The following WDFY3 variants were observed in gnomAD, a reference collection of about 807,000 sequenced individuals.
The protein encoded by WDFY3 is WD repeat and FYVE domain containing 3, also known as WD repeat and FYVE domain-containing protein 3.
In WDFY3, 66 loss-of-function variants were observed where a neutral mutation model predicts 409.6. The observed-to-expected ratio is 0.16, with a 90% CI of 0.13 to 0.20. The LOEUF (loss-of-function observed/expected upper bound fraction) is 0.20. WDFY3 is among the 10% of genes least tolerant of loss of function. The pLI, the probability that WDFY3 is intolerant of heterozygous loss-of-function variation, is 1.00. For synonymous variants in WDFY3, 1,521 were observed against 1,537.1 expected (o/e 0.99, Z 0.25); for missense variants, 3,031 against 4,298.1 (o/e 0.71, Z 8.24).
At chr4:84,828,735 G>A (rs1235633478) in intron 9 of WDFY3, among the ~76,000 whole-genome samples, 1 of 152,094 alleles carries the variant, frequency 6.6e-6, no homozygotes. Flanking sequence ...TGTCTCTATG[G>A]AAAATGTTTA....
At chr4:84,785,713 T>G (rs1025755210) in intron 24 of WDFY3, among the ~76,000 whole-genome samples, 1 of 152,212 alleles carries the variant, frequency 6.6e-6, no homozygotes, top group Non-Finnish European at 1.5e-5. Context: ...TTTCATTAGT[T>G]TTCTAAAGTT....
chr4:84,723,625 GA>G (rs112782779), intron 46 of WDFY3, among the ~76,000 whole-genome samples: 2,090 of 151,830 alleles, frequency 0.014, 53 homozygotes, highest in African/African-American at 0.047. Flanking sequence ...TATAAAGTGA[GA>G]AAAAAAATCT....
chr4:84,760,195 A>G (rs1287825188), intron 32 of WDFY3, among the ~76,000 whole-genome samples: 2 of 152,088 alleles, frequency 1.3e-5, no homozygotes, highest in South Asian at 2.1e-4. Flanking sequence ...GTGCTGCTGG[A>G]TTCGGTTTGC....
At chr4:84,821,761 T>C (rs943498390) in intron 10 of WDFY3, among the ~76,000 whole-genome samples, 3 of 152,260 alleles carry the variant, frequency 2.0e-5, no homozygotes, top group African/African-American at 7.2e-5. Context: ...TGCATTATTA[T>C]GAATATTTCA....
intron 61 of WDFY3, among the ~76,000 whole-genome samples, chr4:84,689,313 C>T (rs1728858087): frequency 6.6e-6 from 1 of 152,160 alleles, no homozygotes. Flanking sequence ...AAATTTTGGT[C>T]ATATAGACAT....
intron 28 of WDFY3, 38 bp from the exon 29 acceptor site, chr4:84,775,019 C>T: frequency 1.2e-6 from 2 of 1,613,424 alleles, no homozygotes; most frequent in South Asian, 1.1e-5. Context: ...TGTACTATCA[C>T]CTTTTCTATA....
chr4:84,724,482 C>T lies in WDFY3; in HGVS notation c.7385G>A (p.Gly2462Asp). The T allele has an allele frequency of 6.2e-7, 1 of 1,614,072 alleles. No homozygotes were observed. Among genetic ancestry groups the T allele is most frequent in the Non-Finnish European group, 8.5e-7 (1 of 1,179,970 alleles). The change falls in exon 46 of 68, where the codon GGT (glycine) becomes GAT (aspartate). Residue 2462 changes from glycine to aspartate, a missense_variant. By Grantham distance (94) the Gly-to-Asp change is moderately conservative (BLOSUM62 -1). Transcript: ENST00000295888. ...CTCTGGTTCTTGCTGAGCAGCTTCACCTTCTGAACTCTCCACAATGGCGTC... is the reference window on the plus strand; with the variant it reads ...CTCTGGTTCTTGCTGAGCAGCTTCATCTTCTGAACTCTCCACAATGGCGTC... ...VQDAIVESSE[G>D]EAAQQEPEHG...
chr4:84,819,483 T>C (rs1560840085), intron 12 of WDFY3, among the ~76,000 whole-genome samples: 1 of 152,104 alleles, frequency 6.6e-6, no homozygotes, highest in African/African-American at 2.4e-5. Context: ...ACTGAACTTA[T>C]TACCTGAGAG....
intron 17 of WDFY3, among the ~76,000 whole-genome samples, chr4:84,799,229 TCA>T (rs1264181296): frequency 6.6e-6 from 1 of 152,022 alleles, no homozygotes; most frequent in Non-Finnish European, 1.5e-5. Context: ...TGATCATAGC[TCA>T]CTGCAATCTC....
At chr4:84,742,714 C>G (rs1322690660) in intron 37 of WDFY3, among the ~76,000 whole-genome samples, 1 of 152,182 alleles carries the variant, frequency 6.6e-6, no homozygotes, top group African/African-American at 2.4e-5. Context: ...CAGGGTTGCA[C>G]AGTCCTTCCG....
chr4:84,817,696 T>A, intron 12 of WDFY3, 111 bp from the exon 13 acceptor site: 1 of 994,628 alleles, frequency 1.0e-6, no homozygotes, highest in Non-Finnish European at 1.5e-6. Context: ...CATAATAATG[T>A]AAATAAAACC....
rs1301798436 is a variant in WDFY3, at chr4:84,789,661, ACACACACACC to A, written c.3669+55_3669+64del. ...CACACACACACACACACACACACAC[ACACACACACC>A]CCCCAAACTACTACCTTATAAAACA... On this transcript the variant is annotated intron_variant, in intron 22 of 67. Transcript: ENST00000295888. The A allele has an allele frequency of 1.3e-4, 198 of 1,518,740 alleles. 2 individuals are homozygous for A. The highest frequency in any genetic ancestry group is 5.7e-4 in the African/African-American group (41 of 71,962). The allele number at this position is 1,518,740 out of a possible 1,614,324, so 94.1% of individuals were successfully genotyped here. A position where few individuals can be genotyped will look rare whatever the true frequency, so the allele number is the denominator to read the frequency against.
At chr4:84,962,990 T>C (rs975034827) in intron 1 of WDFY3, among the ~76,000 whole-genome samples, 16 of 152,034 alleles carry the variant, frequency 1.1e-4, no homozygotes, top group African/African-American at 3.6e-4. Flanking sequence ...TATTTCTTAA[T>C]CATTTCATGG....
intron 2 of WDFY3, among the ~76,000 whole-genome samples, chr4:84,912,947 T>C (rs1767991106): frequency 6.6e-6 from 1 of 152,168 alleles, no homozygotes; most frequent in South Asian, 2.1e-4. Context: ...TGCCAGTATT[T>C]TGGTTGTACC....
chr4:84,909,001 T>C (rs1767409606), intron 2 of WDFY3, among the ~76,000 whole-genome samples: 1 of 151,786 alleles, frequency 6.6e-6, no homozygotes, highest in Admixed American at 6.6e-5. Flanking sequence ...AACTAAATAC[T>C]AGGAGTCTAT....
intron 2 of WDFY3, among the ~76,000 whole-genome samples, chr4:84,904,433 G>T (rs186575642): frequency 3.3e-5 from 5 of 152,128 alleles, no homozygotes; most frequent in Admixed American, 2.6e-4. Flanking sequence ...AAATTCAAAG[G>T]TCACACAGCT....
intron 1 of WDFY3, among the ~76,000 whole-genome samples, chr4:84,942,269 TG>T (rs1579224234): frequency 6.6e-6 from 1 of 152,038 alleles, no homozygotes; most frequent in East Asian, 1.9e-4. Flanking sequence ...AGCCAAAAAC[TG>T]GGAGAAAGTA....
rs189116210 is a variant in WDFY3 at position 84,750,688 on chromosome 4, T to C, written c.5973+795A>G. 7.9e-5 allele frequency among the ~76,000 whole-genome samples: 12 copies of C among 152,360 alleles called. No individual in the cohort carries two copies. In the East Asian group the frequency reaches 1.9e-3, roughly 24 times the overall value. On this transcript the variant is annotated intron_variant, in intron 36 of 67. Coordinates refer to ENST00000295888, the MANE Select transcript of WDFY3 (RefSeq NM_014991.6). Reference sequence around the variant, plus strand: ...TGTATTAAATTTTCTCTCTGTGATATCTTCAGACTTTTCTAGGTAAACATT... The same window carrying C: ...TGTATTAAATTTTCTCTCTGTGATACCTTCAGACTTTTCTAGGTAAACATT...
chr4:84,796,528 C>G lies in WDFY3; in HGVS notation c.3160G>C (p.Gly1054Arg). The change falls in exon 19 of 68, where the codon GGG becomes CGG. Residue 1054 changes from glycine to arginine, a missense_variant. Coordinates refer to ENST00000295888, the MANE Select transcript of WDFY3 (RefSeq NM_014991.6). ...TCCTTGCAAATTTCTTACCCAAACC[C>G]TTCAAGTGATGTGTCAAATTCAACA... ...AFVEFDTSLE[G>R]FGCLFLPSLA... The G allele has an allele frequency of 1.3e-6, 2 of 1,585,866 alleles. No homozygotes were observed. The highest frequency in any genetic ancestry group is 1.7e-6 in the Non-Finnish European group (2 of 1,164,126).
Sources: gnomAD v4.1 joint callset for allele counts (sites outside exome capture counted in the v4.1 genomes callset) on GRCh38, gnomAD v4.1.1 for gene constraint, MANE v1.5 for transcripts, NCBI Gene and HGNC (gene_info 2026-07-23, HGNC 2026-07-21) for gene names.